The following NRG3 variants were observed in gnomAD, a reference collection of about 807,000 sequenced individuals.
NRG3 encodes pro-neuregulin-3, membrane-bound isoform.
Under a neutral mutation model 66.9 loss-of-function variants are expected in NRG3, and 31 were observed. The ratio of observed to expected loss-of-function variants is 0.46; its 90% CI spans 0.35 to 0.63. The LOEUF is 0.63. Among genes scored for constraint, NRG3 ranks in the 20% least tolerant of loss-of-function variants. The probability of loss-of-function intolerance (pLI) is 0.00; values close to 1 mark genes in which losing one functional copy is unlikely to be tolerated. For missense variants in NRG3, 910 were observed against 878.9 expected (o/e 1.04, Z -0.45); for synonymous variants, 393 against 359.4 (o/e 1.09, Z -1.06).
At chr10:82,351,098 G>C (rs555375578) in intron 1 of NRG3, among the ~76,000 whole-genome samples, 1 of 152,220 alleles carries the variant, frequency 6.6e-6, no homozygotes, top group African/African-American at 2.4e-5. Context: ...GTTTCACCGT[G>C]TTAGCCAGGA....
At chr10:82,702,045 G>T (rs1050877637) in intron 2 of NRG3, among the ~76,000 whole-genome samples, 4 of 152,156 alleles carry the variant, frequency 2.6e-5, no homozygotes, top group Non-Finnish European at 2.9e-5. Context: ...ACCCTGTGAG[G>T]CTGATGCTGG....
chr10:82,760,572 A>G (rs1048013069), intron 3 of NRG3, among the ~76,000 whole-genome samples: 17 of 152,154 alleles, frequency 1.1e-4, no homozygotes, highest in Middle Eastern at 3.2e-3. Flanking sequence ...CTGAAGCTTT[A>G]AGTAAGCCTA....
rs566247972 is a variant in NRG3 at position 81,951,172 on chromosome 10, G to A, written c.823+75009G>A. Among the ~76,000 whole-genome samples the A allele has an allele frequency of 3.4e-4, 52 of 152,088 alleles. No homozygotes were observed. In the South Asian group the frequency reaches 7.9e-3, roughly 23 times the overall value. On this transcript the variant is annotated intron_variant, in intron 1 of 8. Coordinates refer to ENST00000372141, the MANE Select transcript of NRG3 (RefSeq NM_001010848.4). ...TCTGATCTCCATATGTAGGAGAGTC[G>A]TACCACCGTTCAAATTGGCATTGAT...
At position 81,995,318 on chromosome 10, in the gene NRG3, A is replaced by G. The variant is rs192978981; in HGVS notation, c.823+119155A>G. 2.2e-3 allele frequency among the ~76,000 whole-genome samples: 335 copies of G among 152,320 alleles called. 1 individual carries two copies. Among genetic ancestry groups the G allele is most frequent in the Middle Eastern group, 0.01 (3 of 294 alleles). ...AAAATGTTTTTCCTACAATTGTTTC[A>G]AAAATCTATTTTCTTGACTGTCCCT... is the stretch of plus-strand genomic sequence containing the variant. On this transcript the variant is annotated intron_variant, in intron 1 of 8. Coordinates refer to ENST00000372141, the MANE Select transcript of NRG3 (RefSeq NM_001010848.4).
intron 1 of NRG3, among the ~76,000 whole-genome samples, chr10:82,044,072 T>G (rs1013625679): frequency 2.0e-5 from 3 of 152,086 alleles, no homozygotes; most frequent in African/African-American, 7.2e-5. Flanking sequence ...AATGAAGGTT[T>G]GCAAAGTGAA....
At chr10:82,698,324 T>C (rs922870908) in intron 2 of NRG3, among the ~76,000 whole-genome samples, 2 of 152,140 alleles carry the variant, frequency 1.3e-5, no homozygotes, top group Non-Finnish European at 2.9e-5. Context: ...AACTGGTTAG[T>C]GTGTGAGGGT....
chr10:81,969,840 A>G (rs1291969395), intron 1 of NRG3, among the ~76,000 whole-genome samples: 2 of 151,978 alleles, frequency 1.3e-5, no homozygotes, highest in African/African-American at 4.8e-5. Flanking sequence ...TGTATTTACA[A>G]AAGTAGAGTC....
chr10:82,038,872 A>C (rs765481090), intron 1 of NRG3, among the ~76,000 whole-genome samples: 4 of 151,982 alleles, frequency 2.6e-5, no homozygotes, highest in Non-Finnish European at 4.4e-5. Flanking sequence ...TGAGCACTCC[A>C]CTTGTCCTCC....
intron 1 of NRG3, among the ~76,000 whole-genome samples, chr10:82,277,034 C>T (rs1050686851): frequency 6.6e-6 from 1 of 151,962 alleles, no homozygotes; most frequent in African/African-American, 2.4e-5. Context: ...GACGATGTTA[C>T]CATACAACTG....
chr10:82,589,996 C>T (rs2046889804), intron 2 of NRG3, among the ~76,000 whole-genome samples: 1 of 152,118 alleles, frequency 6.6e-6, no homozygotes, highest in South Asian at 2.1e-4. Context: ...TGTTTTCTTG[C>T]ATATTATTTC....
At chr10:82,849,607 T>A (rs1039103716) in intron 3 of NRG3, among the ~76,000 whole-genome samples, 1 of 152,194 alleles carries the variant, frequency 6.6e-6, no homozygotes, top group African/African-American at 2.4e-5. Context: ...TGACCTCTGA[T>A]AAGATGCCAT....
Position 82,123,364 on chromosome 10 carries a change from G to T in NRG3, c.824-235375G>T, listed in dbSNP as rs189253479. ...TTCGTTTAATACATTCAGTGTTCCT[G>T]CTGCAGGTGCCAAATGCCAGCCTTG... On this transcript the variant is annotated intron_variant, in intron 1 of 8. Transcript: ENST00000372141. Among the ~76,000 whole-genome samples the T allele has an allele frequency of 1.3e-3, 198 of 152,202 alleles. 1 individual carries two copies. The highest frequency in any genetic ancestry group is 1.4e-3 in the Non-Finnish European group (97 of 68,018).
chr10:82,026,286 A>G (rs1032691225), intron 1 of NRG3, among the ~76,000 whole-genome samples: 8 of 151,996 alleles, frequency 5.3e-5, no homozygotes, highest in Non-Finnish European at 1.2e-4. Flanking sequence ...TTACAGAACC[A>G]TTATAAGAAA....
At chr10:81,941,768 C>A (rs73306526) in intron 1 of NRG3, among the ~76,000 whole-genome samples, 19,105 of 152,090 alleles carry the variant, frequency 0.13, 1,963 homozygotes, top group African/African-American at 0.28. Flanking sequence ...CCCATGATAT[C>A]TTCTTGGGGC....
At chr10:82,867,122 G>A (rs140686985) in intron 4 of NRG3, among the ~76,000 whole-genome samples, 114 of 152,310 alleles carry the variant, frequency 7.5e-4, no homozygotes, top group African/African-American at 2.6e-3. Flanking sequence ...ATGGCTCAAA[G>A]ACGGTAGCAA....
intron 2 of NRG3, among the ~76,000 whole-genome samples, chr10:82,527,417 T>G (rs1410612048): frequency 6.6e-6 from 1 of 152,198 alleles, no homozygotes; most frequent in Admixed American, 6.5e-5. Flanking sequence ...AGTGGCTGTT[T>G]GCACACAGAG....
intron 2 of NRG3, among the ~76,000 whole-genome samples, chr10:82,696,157 C>T (rs2055362019): frequency 6.6e-6 from 1 of 152,110 alleles, no homozygotes; most frequent in Admixed American, 6.6e-5. Context: ...CAGAATGTCC[C>T]AGCAAGACTA....
rs527809965 is a variant in NRG3 at position 82,399,025 on chromosome 10, A to G, written c.953+40157A>G. ...AACAACTTCTACAATTTCTGAGACTATGACAAGTGATAGTTAATTTTGACA... is the reference window on the plus strand; with the variant it reads ...AACAACTTCTACAATTTCTGAGACTGTGACAAGTGATAGTTAATTTTGACA... On this transcript the variant is annotated intron_variant, in intron 2 of 8. Coordinates refer to ENST00000372141, the MANE Select transcript of NRG3 (RefSeq NM_001010848.4). Among the ~76,000 whole-genome samples, 48 of 152,338 alleles carry G rather than the reference A, an allele frequency of 3.2e-4. 1 individual carries two copies. The highest frequency in any genetic ancestry group is 2.6e-3 in the Admixed American group (40 of 15,290).
intron 4 of NRG3, among the ~76,000 whole-genome samples, chr10:82,941,235 G>C (rs937631914): frequency 1.3e-5 from 2 of 151,984 alleles, no homozygotes; most frequent in African/African-American, 2.4e-5. Context: ...GCCACCCTCT[G>C]TAACTGCCCC....
Sources: gnomAD v4.1 joint callset for allele counts (sites outside exome capture counted in the v4.1 genomes callset) on GRCh38, gnomAD v4.1.1 for gene constraint, MANE v1.5 for transcripts, NCBI Gene and HGNC (gene_info 2026-07-23, HGNC 2026-07-21) for gene names.